The following FHIT variants were observed in gnomAD, a reference collection of about 807,000 sequenced individuals.
FHIT encodes fragile histidine triad diadenosine triphosphatase.
Under a neutral mutation model 17.9 loss-of-function variants are expected in FHIT, and 19 were observed. The observed-to-expected ratio is 1.06, with a 90% CI of 0.74 to 1.56. The LOEUF (loss-of-function observed/expected upper bound fraction) is 1.56, where lower values mean the gene tolerates loss of function less well. FHIT is among the 40% of genes most tolerant of loss of function. FHIT has a pLI of 0.00. For synonymous variants in FHIT, 81 were observed against 69.7 expected, an observed-to-expected ratio of 1.16 and a Z score of -0.81; for missense variants, 248 against 189.2, an observed-to-expected ratio of 1.31 and a Z score of -1.82.
At chr3:60,985,254 T>C (rs1307704968) in intron 3 of FHIT, among the ~76,000 whole-genome samples, 1 of 152,186 alleles carries the variant, frequency 6.6e-6, no homozygotes, top group African/African-American at 2.4e-5. Context: ...CGTTCTGTGT[T>C]TTTTTACTTC....
At chr3:60,452,550 G>C (rs1398856318) in intron 5 of FHIT, among the ~76,000 whole-genome samples, 1 of 152,168 alleles carries the variant, frequency 6.6e-6, no homozygotes, top group African/African-American at 2.4e-5. Context: ...CCAGTTTAAT[G>C]AATTCAAAAC....
chr3:60,488,344 C>T (rs2033927318), intron 5 of FHIT, among the ~76,000 whole-genome samples: 1 of 152,110 alleles, frequency 6.6e-6, no homozygotes. Flanking sequence ...TTGGTGTTTA[C>T]CTTCGATTCT....
At chr3:60,636,707 C>A (rs1320909778) in intron 4 of FHIT, among the ~76,000 whole-genome samples, 1 of 152,182 alleles carries the variant, frequency 6.6e-6, no homozygotes, top group Non-Finnish European at 1.5e-5. Flanking sequence ...GTGCTCCTAT[C>A]CTGCTGAGAC....
chr3:60,864,297 T>C (rs1553753360), intron 3 of FHIT, among the ~76,000 whole-genome samples: 1 of 152,108 alleles, frequency 6.6e-6, no homozygotes, highest in East Asian at 1.9e-4. Context: ...TCATACCATC[T>C]TGCAGATTAA....
chr3:60,436,042 T>G (rs1036293496), intron 5 of FHIT, among the ~76,000 whole-genome samples: 1 of 152,118 alleles, frequency 6.6e-6, no homozygotes, highest in Non-Finnish European at 1.5e-5. Flanking sequence ...CCACATTTTT[T>G]CTTTTTTCTT....
intron 4 of FHIT, chr3:60,537,412 T>C: frequency 3.2e-6 from 3 of 924,166 alleles, no homozygotes; most frequent in Non-Finnish European, 3.9e-6. Flanking sequence ...CAAATGGTTT[T>C]GTGTTCATAT....
chr3:60,504,996 G>C (rs551958930), intron 5 of FHIT, among the ~76,000 whole-genome samples: 3 of 152,130 alleles, frequency 2.0e-5, no homozygotes, highest in Non-Finnish European at 4.4e-5. Flanking sequence ...GGTCCCAGGG[G>C]ACAAGGGGAA....
intron 4 of FHIT, among the ~76,000 whole-genome samples, chr3:60,632,094 T>TG (rs2039459395): frequency 6.8e-6 from 1 of 147,006 alleles, no homozygotes; most frequent in Non-Finnish European, 1.5e-5. Flanking sequence ...GTTTTTTTTT[T>TG]GTTTTTTGTT....
chr3:59,776,158 T>A (rs1702302582), intron 8 of FHIT, among the ~76,000 whole-genome samples: 1 of 152,190 alleles, frequency 6.6e-6, no homozygotes, highest in South Asian at 2.1e-4. Context: ...CTGGAAGCCC[T>A]CCCCTTTGGG....
At chr3:60,652,727 CAAAAAAAAA>C (rs782637479) in intron 4 of FHIT, among the ~76,000 whole-genome samples, 3 of 59,018 alleles carry the variant, frequency 5.1e-5, no homozygotes, top group East Asian at 5.1e-4. Context: ...GACTCCATCT[CAAAAAAAAA>C]AAAAAAAAAA....
chr3:60,607,971 C>T (rs1334764834), intron 4 of FHIT, among the ~76,000 whole-genome samples: 3 of 152,134 alleles, frequency 2.0e-5, no homozygotes, highest in African/African-American at 7.2e-5. Context: ...CTCAAGTCTT[C>T]TCCTCCCTGC....
At chr3:60,195,561 T>TATATATATATATATATATTTA (rs61215575) in intron 5 of FHIT, among the ~76,000 whole-genome samples, 1 of 21,194 alleles carries the variant, frequency 4.7e-5, no homozygotes, top group Admixed American at 4.6e-4. Flanking sequence ...ATATATATAT[T>TATATATATATATATATATTTA]TATATTTATA....
chr3:59,766,567 T>G (rs796784875), intron 8 of FHIT, among the ~76,000 whole-genome samples: 4 of 152,364 alleles, frequency 2.6e-5, no homozygotes, highest in African/African-American at 9.6e-5. Context: ...TCCATAAATG[T>G]GCTCTTATGT....
At chr3:60,707,624 A>AG (rs1293431618) in intron 4 of FHIT, among the ~76,000 whole-genome samples, 1 of 152,228 alleles carries the variant, frequency 6.6e-6, no homozygotes, top group Non-Finnish European at 1.5e-5. Context: ...TAGCAATTAG[A>AG]GTCCAGCAGT....
chr3:59,936,717 T>C (rs146385129), intron 7 of FHIT, among the ~76,000 whole-genome samples: 165 of 152,232 alleles, frequency 1.1e-3, no homozygotes, highest in African/African-American at 3.9e-3. Flanking sequence ...AATTAGCAAC[T>C]TGTCCTGTTA....
intron 4 of FHIT, among the ~76,000 whole-genome samples, chr3:60,711,838 G>T (rs1244894553): frequency 6.6e-6 from 1 of 152,300 alleles, no homozygotes. Flanking sequence ...AACCAAGTTG[G>T]AAAACACTCT....
intron 5 of FHIT, among the ~76,000 whole-genome samples, chr3:60,130,811 G>A (rs1699527229): frequency 6.7e-6 from 1 of 149,350 alleles, no homozygotes. Flanking sequence ...ATATATATGT[G>A]TGTATGTGTG....
chr3:60,574,464 G>A (rs1481903284), intron 4 of FHIT, among the ~76,000 whole-genome samples: 1 of 151,602 alleles, frequency 6.6e-6, no homozygotes, highest in African/African-American at 2.4e-5. Context: ...GTGGTACCTG[G>A]TGATGGGGCA....
intron 8 of FHIT, among the ~76,000 whole-genome samples, chr3:59,766,800 A>G (rs927794686): frequency 7.9e-5 from 12 of 152,208 alleles, no homozygotes; most frequent in Non-Finnish European, 1.6e-4. Context: ...TGGGTAGGAA[A>G]CACAGACAAG....
Sources: gnomAD v4.1 joint callset for allele counts (sites outside exome capture counted in the v4.1 genomes callset) on GRCh38, gnomAD v4.1.1 for gene constraint, MANE v1.5 for transcripts, NCBI Gene and HGNC (gene_info 2026-07-23, HGNC 2026-07-21) for gene names.